Variants in MED16 observed in about 807,000 individuals in gnomAD.
MED16 encodes the protein mediator complex subunit 16, also known as mediator of RNA polymerase II transcription subunit 16.
In MED16, 81 loss-of-function variants were observed where a neutral mutation model predicts 84.4. The ratio of observed to expected loss-of-function variants is 0.96; its 90% CI spans 0.80 to 1.15. MED16 has a LOEUF of 1.15. Ranked by LOEUF, MED16 falls within the 50% of genes most tolerant of loss-of-function variation. The probability of loss-of-function intolerance (pLI) is 0.00; values close to 1 mark genes in which losing one functional copy is unlikely to be tolerated. For missense variants in MED16, 1,585 were observed against 1,245.9 expected, an observed-to-expected ratio of 1.27 and a Z score of -4.10; for synonymous variants, 897 against 552.2, an observed-to-expected ratio of 1.62 and a Z score of -8.76.
rs759314391 is a variant in MED16, at chr19:875,339, G to A, written c.1676C>T (p.Thr559Ile). ...GTGGGGGCGCAGCAGCGACTTCAGG[G>A]TGGAGCTGATGGCGATGAGGAAGAG... ...TKLFLIAISS[T>I]LKSLLRPHFL... is the part of the protein sequence containing the mutation. Residue 559 changes from threonine to isoleucine, a missense_variant, in exon 10 of 16, where the codon ACC (threonine) becomes ATC (isoleucine). Physicochemically the swap from Thr to Ile is moderately conservative, Grantham distance 89. Transcript: ENST00000325464. 6.8e-6 allele frequency: 11 copies of A among 1,610,504 alleles called. No homozygotes were observed. Among genetic ancestry groups the A allele is most frequent in the Non-Finnish European group, 6.8e-6 (8 of 1,179,854 alleles).
intron 8 of MED16, 82 bp downstream of exon 8, chr19:879,855 C>T (rs199801344): frequency 4.0e-6 from 3 of 759,464 alleles, no homozygotes; most frequent in East Asian, 3.0e-5. Flanking sequence ...TCACCTTCCC[C>T]TGGTTGTCAA....
In MED16 at chr19:881,692, A is replaced by T. The variant is rs754203709; in HGVS notation, c.1008T>A (p.Ile336=). ...TGGCCGATAGGATCCGCCATTTGAG[A>T]ATTGTGGGCTGTTTGTCGCCAACTG... is the stretch of plus-strand genomic sequence containing the variant. ...SPVVGDKQPT[I]LKWRILSATN... The change falls in exon 7 of 16, where the codon ATT becomes ATA. Residue 336 remains isoleucine (I), a synonymous_variant. Transcript: ENST00000325464. The T allele has an allele frequency of 6.2e-7, 1 of 1,611,292 alleles. No homozygotes were observed. The highest frequency in any genetic ancestry group is 8.5e-7 in the Non-Finnish European group (1 of 1,178,860).
intron 11 of MED16, chr19:872,823 G>T: frequency 2.7e-6 from 1 of 368,228 alleles, no homozygotes; most frequent in Non-Finnish European, 3.9e-6. Flanking sequence ...ACCGGCCTTC[G>T]TGTAGGGGTG....
chr19:888,012 G>A (rs2036559033), intron 4 of MED16, among the ~76,000 whole-genome samples: 2 of 151,902 alleles, frequency 1.3e-5, no homozygotes, highest in African/African-American at 4.8e-5. Context: ...AGACCACCCT[G>A]ACCAACATGG....
At chr19:875,046 C>G (rs2036196218) in intron 10 of MED16, among the ~76,000 whole-genome samples, 198 bp downstream of exon 10, 1 of 152,172 alleles carries the variant, frequency 6.6e-6, no homozygotes, top group African/African-American at 2.4e-5. Flanking sequence ...TGCCTGTAAT[C>G]CCAGCTACTT....
chr19:870,948 G>C lies in MED16; in HGVS notation c.2315+89C>G. The C allele has an allele frequency of 3.8e-6, 5 of 1,330,634 alleles. No homozygotes were observed. The Admixed American group carries it at 6.5e-5, about 17-fold the overall frequency. 82.4% of individuals were successfully genotyped at this position (1,330,634 alleles called of 1,614,324 possible). A position where few individuals can be genotyped will look rare whatever the true frequency, so the allele number is the denominator to read the frequency against. On this transcript the variant is annotated intron_variant, in intron 13 of 15. Coordinates refer to ENST00000325464, the MANE Select transcript of MED16 (RefSeq NM_005481.3). ...GGGGGGACCTGGGGCAGGACATGCA[G>C]GGAGGGAGCCGTGTGGATTCGGGGG... is the stretch of plus-strand genomic sequence containing the variant.
chr19:889,831 C>T (rs768467810), intron 3 of MED16, 24 bp from the exon 4 acceptor site: 78 of 1,596,338 alleles, frequency 4.9e-5, no homozygotes, highest in Non-Finnish European at 6.0e-5. Flanking sequence ...GCCATCATTG[C>T]GAACCTTCCA....
intron 3 of MED16, among the ~76,000 whole-genome samples, 155 bp downstream of exon 3, chr19:889,982 T>C (rs11878467): frequency 0.018 from 2,763 of 152,222 alleles, 72 homozygotes; most frequent in African/African-American, 0.062. Flanking sequence ...TGAACAAGAA[T>C]GATTCGGGCC....
At chr19:878,946 G>GGCCCCA (rs2036340121) in intron 8 of MED16, among the ~76,000 whole-genome samples, 1 of 45,362 alleles carries the variant, frequency 2.2e-5, no homozygotes, top group Admixed American at 3.0e-4. Context: ...CCCCGGCCCC[G>GGCCCCA]GCCGCAGCTC....
At chr19:870,566 CAAAAA>C (rs1227950208) in intron 13 of MED16, among the ~76,000 whole-genome samples, 3 of 103,686 alleles carry the variant, frequency 2.9e-5, no homozygotes, top group Non-Finnish European at 1.9e-5. Context: ...GTCGGGGAGA[CAAAAA>C]AAAAAAAAAA....
chr19:877,042 T>C lies in MED16; in HGVS notation c.1492A>G (p.Ser498Gly). 4.3e-6 allele frequency: 7 copies of C among 1,612,588 alleles called. No homozygotes were observed. Among genetic ancestry groups the C allele is most frequent in the South Asian group, 2.2e-5 (2 of 91,076 alleles). Residue 498 changes from serine (S) to glycine (G), a missense_variant, in exon 9 of 16, where the codon AGT becomes GGT. Coordinates refer to ENST00000325464, the MANE Select transcript of MED16 (RefSeq NM_005481.3). The part of the protein sequence containing the change: ...WWDILLHVQP[S>G]MVQSLVEKLH... ...TTCTCCACCAGGCTCTGTACCATACTGGGCTGCACGTGCAGCAGGATGTCC... is the reference window on the plus strand; with the variant it reads ...TTCTCCACCAGGCTCTGTACCATACCGGGCTGCACGTGCAGCAGGATGTCC...
At chr19:888,440 C>T (rs554929242) in intron 4 of MED16, among the ~76,000 whole-genome samples, 2 of 150,364 alleles carry the variant, frequency 1.3e-5, no homozygotes, top group East Asian at 3.9e-4. Flanking sequence ...AGGAGAATCG[C>T]TTGAACCCAG....
chr19:890,118 C>T lies in MED16; in HGVS notation c.277+19G>A, dbSNP rs529554583. ...GGATCCGGGTCGCCACCCCTGGCCA[C>T]GTGGGACCAGCGCCTCACCTGACTG... is the stretch of plus-strand genomic sequence containing the variant. On this transcript the variant is annotated intron_variant, in intron 3 of 15. Coordinates refer to ENST00000325464, the MANE Select transcript of MED16 (RefSeq NM_005481.3). 26 of 1,533,366 alleles carry T rather than the reference C, an allele frequency of 1.7e-5. No individual in the cohort carries two copies. The South Asian group carries it at 2.5e-4, about 15-fold the overall frequency. The allele number at this position is 1,533,366 out of a possible 1,614,324, so 95.0% of individuals were successfully genotyped here. A position where few individuals can be genotyped will look rare whatever the true frequency, so the allele number is the denominator to read the frequency against.
At chr19:882,708 C>CACAGAA (rs558733973) in intron 6 of MED16, among the ~76,000 whole-genome samples, 23 of 152,328 alleles carry the variant, frequency 1.5e-4, no homozygotes, top group Admixed American at 1.1e-3. Context: ...CTGAGGCAGC[C>CACAGAA]ACAGAAACAG....
rs996870320 is a variant in MED16 at position 873,537 on chromosome 19, A to G, written c.1817T>C (p.Leu606Pro). ...MINLKTEEFV[L>P]DMNTLQALQQ... ...CAGCGCCTGCAGTGTGTTCATGTCC[A>G]GCACAAATTCCTCCGTCTTGAGGTT... Residue 606 changes from leucine (L) to proline (P), a missense_variant, in exon 11 of 16, where the codon CTG becomes CCG. Leu to Pro is a moderately conservative substitution (Grantham distance 98). Transcript: ENST00000325464. 6.2e-7 allele frequency: 1 copy of G among 1,612,382 alleles called. No homozygotes were observed. Among genetic ancestry groups the G allele is most frequent in the Non-Finnish European group, 8.5e-7 (1 of 1,179,716 alleles).
rs1438457225 is a variant in MED16 at position 889,420 on chromosome 19, G to A, written c.447+218C>T. ...ACTGAACACGCAGGTGCCAATGACA[G>A]CCAGACTGCAGGTGGGGGCCAAGTG... On this transcript the variant is annotated intron_variant, in intron 4 of 15. Transcript: ENST00000325464. 3.3e-5 allele frequency among the ~76,000 whole-genome samples: 5 copies of A among 152,178 alleles called. No individual in the cohort carries two copies. In the South Asian group the frequency reaches 1.0e-3, roughly 32 times the overall value.
chr19:870,824 G>T (rs1462757444), intron 13 of MED16, among the ~76,000 whole-genome samples: 2 of 144,404 alleles, frequency 1.4e-5, no homozygotes, highest in Non-Finnish European at 3.1e-5. Context: ...AGGGAGCCGT[G>T]TGGATTCGGG....
intron 12 of MED16, 140 bp downstream of exon 12, chr19:871,786 A>G (rs137921458): frequency 0.022 from 1,840 of 84,036 alleles, 11 homozygotes; most frequent in African/African-American, 0.067. Flanking sequence ...GGGAGAGGGG[A>G]GAGCGGGGAG....
Position 873,549 on chromosome 19 carries a change from T to A in MED16, c.1805A>T (p.Glu602Val). ...IDKVMINLKTEEFVLDMNTLQ... is the reference protein window; with the variant it reads ...IDKVMINLKTVEFVLDMNTLQ... Reference sequence around the variant, plus strand: ...TGTGTTCATGTCCAGCACAAATTCCTCCGTCTTGAGGTTGATCATGACCTT... The same window carrying A: ...TGTGTTCATGTCCAGCACAAATTCCACCGTCTTGAGGTTGATCATGACCTT... Residue 602 changes from glutamate to valine, a missense_variant, in exon 11 of 16, where the codon GAG (glutamate) becomes GTG (valine). Physicochemically the swap from Glu to Val is moderately radical, Grantham distance 121 (BLOSUM62 -2). Coordinates refer to ENST00000325464, the MANE Select transcript of MED16 (RefSeq NM_005481.3). The A allele has an allele frequency of 6.2e-7, 1 of 1,612,356 alleles. No individual in the cohort carries two copies.
Sources: gnomAD v4.1 joint callset for allele counts (sites outside exome capture counted in the v4.1 genomes callset) on GRCh38, gnomAD v4.1.1 for gene constraint, MANE v1.5 for transcripts, NCBI Gene and HGNC (gene_info 2026-07-23, HGNC 2026-07-21) for gene names.